The following PHIP variants were observed in gnomAD, a reference collection of about 807,000 sequenced individuals.
PHIP encodes PH-interacting protein.
Under a neutral mutation model 236.8 loss-of-function variants are expected in PHIP, and 54 were observed. That is an observed-to-expected ratio of 0.23 (90% CI 0.18 to 0.29). The LOEUF (loss-of-function observed/expected upper bound fraction) is 0.29, where lower values mean the gene tolerates loss of function less well. Among genes scored for constraint, PHIP ranks in the 10% least tolerant of loss-of-function variants. The pLI, the probability that PHIP is intolerant of heterozygous loss-of-function variation, is 1.00. For synonymous variants in PHIP, 756 were observed against 718.9 expected, an observed-to-expected ratio of 1.05 and a Z score of -0.83; for missense variants, 1,370 against 2,190.8, an observed-to-expected ratio of 0.63 and a Z score of 7.48.
chr6:79,015,185 G>T lies in PHIP; in HGVS notation c.1421C>A (p.Pro474Gln). The T allele has an allele frequency of 6.2e-7, 1 of 1,610,084 alleles. No homozygotes were observed. Among genetic ancestry groups the T allele is most frequent in the Non-Finnish European group, 8.5e-7 (1 of 1,176,892 alleles). Residue 474 changes from proline (P) to glutamine (Q), a missense_variant, in exon 15 of 40, where the codon CCA becomes CAA. Pro to Gln is a moderately conservative substitution (Grantham distance 76). Coordinates refer to ENST00000275034, the MANE Select transcript of PHIP (RefSeq NM_017934.7). ...GHEDEVFVLE[P>Q]HPFDPRVLFS... Reference sequence around the variant, plus strand: ...GAGAACTCTAGGATCGAACGGGTGTGGTTCAAGAACAAATACCTCATCTTC... The same window carrying T: ...GAGAACTCTAGGATCGAACGGGTGTTGTTCAAGAACAAATACCTCATCTTC...
At chr6:79,070,661 G>A (rs554355874) in intron 4 of PHIP, among the ~76,000 whole-genome samples, 3 of 152,188 alleles carry the variant, frequency 2.0e-5, no homozygotes, top group East Asian at 3.9e-4. Flanking sequence ...AATCTTCATG[G>A]GGGAATGGTT....
chr6:79,031,614 T>C (rs1243389485), intron 7 of PHIP, among the ~76,000 whole-genome samples: 1 of 152,224 alleles, frequency 6.6e-6, no homozygotes, highest in Non-Finnish European at 1.5e-5. Context: ...CTTAGTCTAC[T>C]GCCACACCTG....
intron 19 of PHIP, among the ~76,000 whole-genome samples, chr6:78,997,195 G>T (rs963300410): frequency 7.2e-5 from 11 of 151,922 alleles, no homozygotes; most frequent in Admixed American, 6.6e-4. Flanking sequence ...TGATTTTCCT[G>T]TTGACCTTAA....
chr6:78,966,842 G>A (rs916566706), intron 27 of PHIP, among the ~76,000 whole-genome samples: 7 of 152,144 alleles, frequency 4.6e-5, no homozygotes, highest in South Asian at 2.1e-4. Context: ...GAGTTTTCTC[G>A]TGGCTAGCAT....
intron 20 of PHIP, among the ~76,000 whole-genome samples, chr6:78,988,698 GA>G (rs1252434666): frequency 6.6e-6 from 1 of 151,378 alleles, no homozygotes; most frequent in African/African-American, 2.4e-5. Context: ...TGGTTATGCT[GA>G]TATTTACTTG....
In PHIP at chr6:78,938,165, T is replaced by G. The variant is rs763329960; in HGVS notation, c.*2528A>C. ...AAAATATAAAATCTAAATATATTGG[T>G]ATTACTAATACATGTTTAAGTGTTT... On this transcript the variant is annotated 3_prime_UTR_variant, in exon 40 of 40. Transcript: ENST00000275034. 3 of 151,648 alleles carry G rather than the reference T, an allele frequency of 2.0e-5. No homozygotes were observed. The highest frequency in any genetic ancestry group is 3.0e-5 in the Non-Finnish European group (2 of 67,612). 9.4% of individuals were successfully genotyped at this position (151,648 alleles called of 1,614,324 possible).
At chr6:79,012,168 A>G (rs904148139) in intron 15 of PHIP, among the ~76,000 whole-genome samples, 36 of 151,682 alleles carry the variant, frequency 2.4e-4, no homozygotes, top group African/African-American at 8.7e-4. Context: ...ATGTTACATG[A>G]TTTCCATTAT....
chr6:79,000,964 T>C (rs139550293), intron 17 of PHIP, among the ~76,000 whole-genome samples: 1 of 152,206 alleles, frequency 6.6e-6, no homozygotes, highest in African/African-American at 2.4e-5. Context: ...TTATTGCAAC[T>C]TCATGCTAAA....
rs1279469934 is a variant in PHIP, at chr6:78,978,963, T to C, written c.2770-252A>G. On this transcript the variant is annotated intron_variant, in intron 23 of 39. Transcript: ENST00000275034. ...AAACTTGAATTTGCTACATTCTGAA[T>C]ACTATGTTGAATCCACACAAATAAA... Among the ~76,000 whole-genome samples the C allele has an allele frequency of 5.9e-5, 9 of 152,136 alleles. No homozygotes were observed. In the South Asian group the frequency reaches 6.2e-4, roughly 10 times the overall value.
chr6:79,013,954 C>T (rs1770714199), intron 15 of PHIP, among the ~76,000 whole-genome samples: 1 of 151,394 alleles, frequency 6.6e-6, no homozygotes, highest in East Asian at 1.9e-4. Flanking sequence ...TTTTTACTAG[C>T]ATATTTACAG....
chr6:78,946,326 A>G (rs1250916229), intron 37 of PHIP, 66 bp from the exon 38 acceptor site: 1 of 1,470,740 alleles, frequency 6.8e-7, no homozygotes, highest in Non-Finnish European at 9.2e-7. Context: ...ACAGTTTATA[A>G]TATTTTTGGA....
intron 32 of PHIP, chr6:78,957,457 T>G (rs1766498220): frequency 6.6e-6 from 1 of 151,880 alleles, no homozygotes; most frequent in South Asian, 2.1e-4. Context: ...AAACTTTACC[T>G]TATTAATTAT....
In PHIP at chr6:79,025,525, T is replaced by G; in HGVS notation, c.917A>C (p.Lys306Thr). Residue 306 changes from lysine (K) to threonine (T), a missense_variant, in exon 9 of 40, where the codon AAA becomes ACA. By Grantham distance (78) the Lys-to-Thr change is moderately conservative (BLOSUM62 -1). Coordinates refer to ENST00000275034, the MANE Select transcript of PHIP (RefSeq NM_017934.7). ...CFWLWDAGTLKINPRPAKFTE... is the reference protein window; with the variant it reads ...CFWLWDAGTLTINPRPAKFTE... The stretch of plus-strand genomic sequence containing the variant: ...AAATAAAATAGAAACTGACTTTATT[T>G]TAAGGGTTCCAGCATCCCAGAGCCA... 1 of 1,584,532 alleles carries G rather than the reference T, an allele frequency of 6.3e-7. No individual in the cohort carries two copies. The highest frequency in any genetic ancestry group is 8.7e-7 in the Non-Finnish European group (1 of 1,153,832).
chr6:78,937,757 AGCTATGTATCTATT>A lies in PHIP; in HGVS notation c.*2922_*2935del, dbSNP rs945275968. The A allele has an allele frequency of 1.3e-5, 2 of 151,776 alleles. No homozygotes were observed. The highest frequency in any genetic ancestry group is 4.8e-5 in the African/African-American group (2 of 41,432). 9.4% of individuals were successfully genotyped at this position (151,776 alleles called of 1,614,324 possible). Reference sequence around the variant, plus strand: ...GGTCACAAAGGATAAAATTTTAAAAAGCTATGTATCTATTGCCCAGGGCTGTGAGTCTCTGATTA... The same window carrying A: ...GGTCACAAAGGATAAAATTTTAAAAAGCCCAGGGCTGTGAGTCTCTGATTA... On this transcript the variant is annotated 3_prime_UTR_variant, in exon 40 of 40. Transcript: ENST00000275034.
chr6:78,977,741 C>G (rs1030774308), intron 24 of PHIP, among the ~76,000 whole-genome samples: 2 of 152,138 alleles, frequency 1.3e-5, no homozygotes, highest in Non-Finnish European at 2.9e-5. Context: ...TATCACTGTA[C>G]TATATCACAA....
chr6:79,067,095 C>T (rs1339375654), intron 4 of PHIP, among the ~76,000 whole-genome samples: 1 of 152,144 alleles, frequency 6.6e-6, no homozygotes, highest in Non-Finnish European at 1.5e-5. Flanking sequence ...CTATGCTGCC[C>T]AGGCTAGTCT....
intron 7 of PHIP, among the ~76,000 whole-genome samples, chr6:79,040,403 T>G (rs1041523573): frequency 4.6e-5 from 7 of 152,138 alleles, no homozygotes; most frequent in Non-Finnish European, 7.4e-5. Flanking sequence ...TTCAAATATA[T>G]ATACACAAAT....
chr6:79,018,250 T>G (rs1268257862), intron 10 of PHIP, among the ~76,000 whole-genome samples: 2 of 151,960 alleles, frequency 1.3e-5, no homozygotes, highest in Non-Finnish European at 1.5e-5. Context: ...TCTGGATGCA[T>G]GTATGATGCC....
At chr6:79,065,304 T>C (rs1223730281) in intron 4 of PHIP, among the ~76,000 whole-genome samples, 1 of 152,198 alleles carries the variant, frequency 6.6e-6, no homozygotes, top group Non-Finnish European at 1.5e-5. Context: ...CCTCACTCTT[T>C]GGATAAAGAT....
Sources: allele counts gnomAD v4.1 joint callset (sites outside exome capture counted in the v4.1 genomes callset), GRCh38; gene constraint gnomAD v4.1.1; transcripts MANE v1.5; gene names NCBI Gene and HGNC (gene_info 2026-07-23, HGNC 2026-07-21).